CPNE4: variants seen among roughly 807,000 people sequenced by gnomAD.
The protein encoded by CPNE4 is copine 4.
In CPNE4, 25 loss-of-function variants were observed where a neutral mutation model predicts 67.9. That is an observed-to-expected ratio of 0.37 (90% CI 0.27 to 0.51). The LOEUF is 0.51. Among genes scored for constraint, CPNE4 ranks in the 20% least tolerant of loss-of-function variants. CPNE4 has a pLI of 0.93. For synonymous variants in CPNE4, 242 were observed against 244.9 expected, an observed-to-expected ratio of 0.99 and a Z score of 0.11; for missense variants, 464 against 690.8, an observed-to-expected ratio of 0.67 and a Z score of 3.68.
At chr3:131,969,958 T>C (rs1318102638) in intron 1 of CPNE4, among the ~76,000 whole-genome samples, 1 of 152,234 alleles carries the variant, frequency 6.6e-6, no homozygotes, top group African/African-American at 2.4e-5. Context: ...GAATGAGACA[T>C]GCCTAGCAAA....
In CPNE4 at chr3:131,798,492, C is replaced by T. The variant is rs918786948; in HGVS notation, c.181-74867G>A. The stretch of plus-strand genomic sequence containing the variant: ...ACATATAAAATCAGATCATTACAAA[C>T]ACAAAAAATGGTCTAAGTCTGATGT... On this transcript the variant is annotated intron_variant, in intron 2 of 15. Coordinates refer to ENST00000429747, the MANE Select transcript of CPNE4 (RefSeq NM_130808.3). 2.0e-5 allele frequency among the ~76,000 whole-genome samples: 3 copies of T among 151,984 alleles called. No individual in the cohort carries two copies. In the East Asian group the frequency reaches 5.8e-4, roughly 29 times the overall value.
At chr3:131,863,743 C>T (rs923175928) in intron 2 of CPNE4, among the ~76,000 whole-genome samples, 2 of 152,158 alleles carry the variant, frequency 1.3e-5, no homozygotes, top group African/African-American at 4.8e-5. Flanking sequence ...GCTTTTGTTG[C>T]CATTGCTTTT....
chr3:131,795,605 G>A (rs1005001402), intron 2 of CPNE4, among the ~76,000 whole-genome samples: 1 of 152,136 alleles, frequency 6.6e-6, no homozygotes, highest in Admixed American at 6.5e-5. Context: ...CCTGATAAGA[G>A]ACCACAGACT....
chr3:131,889,984 T>G (rs1365294121), intron 2 of CPNE4, among the ~76,000 whole-genome samples: 1 of 151,976 alleles, frequency 6.6e-6, no homozygotes, highest in African/African-American at 2.4e-5. Flanking sequence ...AACTGAAAAA[T>G]TACTACAAGA....
chr3:131,851,876 G>A (rs2086254822), intron 2 of CPNE4, among the ~76,000 whole-genome samples: 2 of 151,944 alleles, frequency 1.3e-5, no homozygotes, highest in South Asian at 4.2e-4. Context: ...GGCAGAAGTG[G>A]ATTTCCTGGC....
At chr3:131,746,614 A>T (rs1196325582) in intron 2 of CPNE4, among the ~76,000 whole-genome samples, 1 of 152,110 alleles carries the variant, frequency 6.6e-6, no homozygotes, top group Non-Finnish European at 1.5e-5. Flanking sequence ...CATTCTTTTT[A>T]TGGCTTAATA....
At chr3:131,698,233 C>CAAAAAAAAAAAAAAAA (rs369274504) in intron 4 of CPNE4, among the ~76,000 whole-genome samples, 33 of 64,446 alleles carry the variant, frequency 5.1e-4, no homozygotes, top group Non-Finnish European at 6.8e-4. Flanking sequence ...GGCTCTGTCT[C>CAAAAAAAAAAAAAAAA]AAAAAAAAAA....
chr3:131,809,022 C>T (rs1344726970), intron 2 of CPNE4, among the ~76,000 whole-genome samples: 2 of 152,048 alleles, frequency 1.3e-5, no homozygotes, highest in Non-Finnish European at 2.9e-5. Flanking sequence ...GACATATATG[C>T]TTGTGTAAGT....
intron 7 of CPNE4, among the ~76,000 whole-genome samples, chr3:131,621,735 G>A (rs979300013): frequency 3.9e-5 from 6 of 151,968 alleles, no homozygotes; most frequent in South Asian, 2.1e-4. Flanking sequence ...GGCCAGGCAC[G>A]GTGGCTCACA....
At chr3:131,566,429 A>AG (rs1239959997) in intron 10 of CPNE4, among the ~76,000 whole-genome samples, 4 of 150,030 alleles carry the variant, frequency 2.7e-5, no homozygotes, top group African/African-American at 7.4e-5. Context: ...CCAACCCACC[A>AG]GGAAAAAAAA....
intron 2 of CPNE4, among the ~76,000 whole-genome samples, chr3:131,762,718 C>T (rs958845267): frequency 2.0e-5 from 3 of 151,964 alleles, no homozygotes; most frequent in African/African-American, 7.2e-5. Context: ...TGTAAAATTT[C>T]ACTGCTTTCT....
At chr3:131,727,976 TAC>T (rs751961425) in intron 2 of CPNE4, among the ~76,000 whole-genome samples, 1 of 152,370 alleles carries the variant, frequency 6.6e-6, no homozygotes, top group African/African-American at 2.4e-5. Context: ...TTGAATTGTT[TAC>T]AGTTTTTGGC....
intron 7 of CPNE4, among the ~76,000 whole-genome samples, chr3:131,651,450 T>C (rs1329324676): frequency 1.3e-5 from 2 of 152,262 alleles, no homozygotes; most frequent in Non-Finnish European, 2.9e-5. Context: ...CTATTTTGTT[T>C]TTCTCCTGCC....
intron 2 of CPNE4, among the ~76,000 whole-genome samples, chr3:131,902,183 A>G (rs1437147656): frequency 2.6e-5 from 4 of 152,114 alleles, no homozygotes; most frequent in Admixed American, 2.6e-4. Context: ...ATGATTAAGC[A>G]TGCTAGCAAT....
At chr3:132,027,635 A>G (rs1289333820) in intron 1 of CPNE4, among the ~76,000 whole-genome samples, 2 of 152,140 alleles carry the variant, frequency 1.3e-5, no homozygotes, top group Non-Finnish European at 1.5e-5. Flanking sequence ...GTTAACACAC[A>G]TGATCAAAGG....
At chr3:131,572,936 A>C (rs1937407532) in intron 10 of CPNE4, among the ~76,000 whole-genome samples, 1 of 152,038 alleles carries the variant, frequency 6.6e-6, no homozygotes, top group Non-Finnish European at 1.5e-5. Flanking sequence ...GATAATAAAC[A>C]CTTACAGACC....
At chr3:131,712,767 C>A (rs1560162957) in intron 3 of CPNE4, among the ~76,000 whole-genome samples, 1 of 152,188 alleles carries the variant, frequency 6.6e-6, no homozygotes, top group Non-Finnish European at 1.5e-5. Flanking sequence ...TTAAAGCAGC[C>A]AGGATGCTGA....
chr3:132,013,180 G>A (rs1227685364), intron 1 of CPNE4, among the ~76,000 whole-genome samples: 1 of 152,126 alleles, frequency 6.6e-6, no homozygotes, highest in African/African-American at 2.4e-5. Flanking sequence ...CCAAGATCAC[G>A]CCATTGCACT....
intron 1 of CPNE4, among the ~76,000 whole-genome samples, chr3:132,016,425 C>T (rs1258833238): frequency 6.6e-6 from 1 of 152,164 alleles, no homozygotes; most frequent in Non-Finnish European, 1.5e-5. Context: ...ATAAAGTGAC[C>T]AATCTACTGA....
Sources: gnomAD v4.1 joint callset for allele counts (sites outside exome capture counted in the v4.1 genomes callset) on GRCh38, gnomAD v4.1.1 for gene constraint, MANE v1.5 for transcripts, NCBI Gene and HGNC (gene_info 2026-07-23, HGNC 2026-07-21) for gene names.